QRICH1: variants seen among roughly 807,000 people sequenced by gnomAD.
The protein encoded by QRICH1 is transcriptional regulator QRICH1.
A neutral mutation model predicts 87.1 loss-of-function variants in QRICH1; 16 were observed. The ratio of observed to expected loss-of-function variants is 0.18; its 90% CI spans 0.12 to 0.28. The LOEUF is 0.28. Ranked by LOEUF, QRICH1 falls within the 10% of genes least tolerant of loss-of-function variation. QRICH1 has a pLI of 1.00. For missense variants in QRICH1, 647 were observed against 951.7 expected, an observed-to-expected ratio of 0.68 and a Z score of 4.21; for synonymous variants, 367 against 368.4, an observed-to-expected ratio of 1.00 and a Z score of 0.05.
chr3:49,062,983 G>A (rs1374955253), intron 2 of QRICH1, among the ~76,000 whole-genome samples: 5 of 151,270 alleles, frequency 3.3e-5, no homozygotes, highest in Admixed American at 6.6e-5. Context: ...CTGGGTGACA[G>A]AACGAGACTC....
chr3:49,045,354 A>C (rs2093333395), intron 5 of QRICH1, among the ~76,000 whole-genome samples: 1 of 150,326 alleles, frequency 6.7e-6, no homozygotes, highest in Non-Finnish European at 1.5e-5. Flanking sequence ...AAAAAAGTCA[A>C]GGTAATTACC....
At chr3:49,090,455 T>C (rs2042252453) in intron 1 of QRICH1, among the ~76,000 whole-genome samples, 2 of 61,658 alleles carry the variant, frequency 3.2e-5, no homozygotes, top group Non-Finnish European at 5.8e-5. Flanking sequence ...CGAGACTACG[T>C]CTCAAAAAAA....
In QRICH1 at chr3:49,057,586, A is replaced by G; in HGVS notation, c.614T>C (p.Leu205Pro). Residue 205 changes from leucine to proline, a missense_variant, in exon 3 of 10, where the codon CTT becomes CCT. Physicochemically the swap from Leu to Pro is moderately conservative, Grantham distance 98. Coordinates refer to ENST00000395443, the MANE Select transcript of QRICH1 (RefSeq NM_198880.3). This position sits in a 1 kb window ranked among gnomAD's most constrained non-coding sequence, Gnocchi z 5.4. ...GATTTGGATCTGCTGACCACCAGCA[A>G]GAGACTGGCCAGCCACCAGCTGAGC... Reference protein sequence around the residue: ...IQAQLVAGQSLAGGQQIQIQT... With the variant: ...IQAQLVAGQSPAGGQQIQIQT... 6.2e-7 allele frequency: 1 copy of G among 1,613,784 alleles called. No individual in the cohort carries two copies. Among genetic ancestry groups the G allele is most frequent in the Non-Finnish European group, 8.5e-7 (1 of 1,179,754 alleles).
intron 2 of QRICH1, among the ~76,000 whole-genome samples, chr3:49,060,041 C>T (rs373692231): frequency 1.1e-4 from 17 of 151,682 alleles, no homozygotes; most frequent in African/African-American, 3.1e-4. Context: ...CGTGCCACCA[C>T]GCCCGGCTGA....
chr3:49,036,153 T>C (rs773449106), intron 6 of QRICH1, among the ~76,000 whole-genome samples: 3 of 152,020 alleles, frequency 2.0e-5, no homozygotes, highest in Non-Finnish European at 2.9e-5. Flanking sequence ...GCTCCTAGCA[T>C]GGAAGTAAGG....
At chr3:49,061,827 G>C (rs2093436899) in intron 2 of QRICH1, among the ~76,000 whole-genome samples, 1 of 152,002 alleles carries the variant, frequency 6.6e-6, no homozygotes, top group African/African-American at 2.4e-5. Flanking sequence ...CCACAGCATG[G>C]GCAACAAGAG....
chr3:49,077,405 G>T (rs1289299897), intron 1 of QRICH1, among the ~76,000 whole-genome samples: 1 of 152,116 alleles, frequency 6.6e-6, no homozygotes, highest in Non-Finnish European at 1.5e-5. Context: ...ATCACAGAGA[G>T]GACACCAAGC....
intron 9 of QRICH1, 77 bp from the exon 10 acceptor site, chr3:49,030,721 G>C: frequency 1.6e-6 from 2 of 1,278,050 alleles, no homozygotes; most frequent in Non-Finnish European, 2.1e-6. Flanking sequence ...CCAGACAGAT[G>C]CTGTCTGCAA....
intron 1 of QRICH1, among the ~76,000 whole-genome samples, chr3:49,090,446 G>A (rs1299481850): frequency 6.9e-5 from 9 of 129,912 alleles, no homozygotes; most frequent in Non-Finnish European, 1.4e-4. Flanking sequence ...GCAGCAGAGC[G>A]AGACTACGTC....
intron 6 of QRICH1, among the ~76,000 whole-genome samples, chr3:49,040,358 A>G (rs1169983531): frequency 6.6e-6 from 1 of 152,204 alleles, no homozygotes; most frequent in Non-Finnish European, 1.5e-5. Flanking sequence ...CTGTAATCCC[A>G]GCTCTTAGGG....
intron 2 of QRICH1, among the ~76,000 whole-genome samples, chr3:49,065,640 T>G (rs1472720817): frequency 2.0e-5 from 3 of 151,794 alleles, no homozygotes; most frequent in Admixed American, 2.0e-4. Flanking sequence ...GCTTTGACCT[T>G]GAGGAACCCT....
chr3:49,074,618 C>G (rs2041911849), intron 2 of QRICH1, among the ~76,000 whole-genome samples: 1 of 151,564 alleles, frequency 6.6e-6, no homozygotes, highest in Admixed American at 6.6e-5. Context: ...TCATATGAAG[C>G]TATCACACCT....
intron 1 of QRICH1, among the ~76,000 whole-genome samples, chr3:49,089,144 T>A (rs2042225953): frequency 6.6e-6 from 1 of 151,446 alleles, no homozygotes; most frequent in Non-Finnish European, 1.5e-5. Context: ...CACTGCAACC[T>A]CCGCCTACAG....
At chr3:49,059,832 C>G (rs1054247205) in intron 2 of QRICH1, among the ~76,000 whole-genome samples, 1 of 151,992 alleles carries the variant, frequency 6.6e-6, no homozygotes, top group Admixed American at 6.6e-5. Context: ...ATTCTCCTGC[C>G]TTAGCCTCCC....
chr3:49,062,779 A>G (rs940691241), intron 2 of QRICH1, among the ~76,000 whole-genome samples: 6 of 151,816 alleles, frequency 4.0e-5, no homozygotes, highest in Admixed American at 3.9e-4. Context: ...AGGCCGAGGC[A>G]GGCGGATCAT....
chr3:49,076,315 C>T (rs1033579104), intron 2 of QRICH1, among the ~76,000 whole-genome samples: 1 of 152,334 alleles, frequency 6.6e-6, no homozygotes, highest in Admixed American at 6.5e-5. Context: ...GGTCACGTGC[C>T]GGGACCGGGT....
At chr3:49,091,503 T>C (rs902184766) in intron 1 of QRICH1, among the ~76,000 whole-genome samples, 1 of 152,190 alleles carries the variant, frequency 6.6e-6, no homozygotes, top group Non-Finnish European at 1.5e-5. Context: ...TTGGTTACTT[T>C]CCTAGAGCAA....
chr3:49,074,603 C>T (rs2106971198), intron 2 of QRICH1, among the ~76,000 whole-genome samples: 1 of 151,034 alleles, frequency 6.6e-6, no homozygotes, highest in South Asian at 2.1e-4. Context: ...GAAAGGAAGC[C>T]TCAGTCATAT....
chr3:49,079,936 G>A (rs2042025872), intron 1 of QRICH1, among the ~76,000 whole-genome samples: 1 of 152,028 alleles, frequency 6.6e-6, no homozygotes, highest in African/African-American at 2.4e-5. Context: ...GGCCGAGGCA[G>A]GAGAATTGCT....
Sources: gnomAD v4.1 joint callset for allele counts (sites outside exome capture counted in the v4.1 genomes callset) on GRCh38, gnomAD v4.1.1 for gene constraint, Gnocchi (gnomAD v3.1) non-coding constraint, MANE v1.5 for transcripts, NCBI Gene and HGNC (gene_info 2026-07-23, HGNC 2026-07-21) for gene names.